The following PRELID2 variants were observed in gnomAD, a reference collection of about 807,000 sequenced individuals.
PRELID2 encodes PRELI domain-containing protein 2.
A neutral mutation model predicts 28.4 loss-of-function variants in PRELID2; 25 were observed. The observed-to-expected ratio is 0.88, with a 90% CI of 0.64 to 1.23. PRELID2 has a LOEUF of 1.23. PRELID2 is among the 50% of genes most tolerant of loss of function. The pLI is 0.00. For synonymous variants in PRELID2, 76 were observed against 71.6 expected, an observed-to-expected ratio of 1.06 and a Z score of -0.31; for missense variants, 201 against 214.4, an observed-to-expected ratio of 0.94 and a Z score of 0.39.
intron 6 of PRELID2, among the ~76,000 whole-genome samples, chr5:145,763,348 C>T (rs1396635165): frequency 6.6e-6 from 1 of 152,132 alleles, no homozygotes; most frequent in Admixed American, 6.5e-5. Flanking sequence ...TAGGAGTAAA[C>T]CATATTTAGA....
At chr5:145,370,499 G>A in the PRELID2 span, among the ~76,000 whole-genome samples, 3 of 152,090 alleles carry the variant, frequency 2.0e-5, no homozygotes, top group Non-Finnish European at 4.4e-5. Flanking sequence ...TTTGGTACCA[G>A]TACCATGCCG....
intron 1 of PRELID2, among the ~76,000 whole-genome samples, chr5:145,673,827 G>T (rs1754759947): frequency 6.6e-6 from 1 of 152,082 alleles, no homozygotes; most frequent in Non-Finnish European, 1.5e-5. Context: ...TATTATTACA[G>T]TAATAATAAC....
the PRELID2 span, among the ~76,000 whole-genome samples, chr5:145,320,735 C>T: frequency 6.6e-6 from 1 of 151,998 alleles, no homozygotes; most frequent in African/African-American, 2.4e-5. Flanking sequence ...ATATTTGTAC[C>T]ATAAGCAGAA....
At chr5:145,422,735 A>C in the PRELID2 span, among the ~76,000 whole-genome samples, 3 of 151,576 alleles carry the variant, frequency 2.0e-5, no homozygotes, top group South Asian at 2.1e-4. Flanking sequence ...GTCCATTTAC[A>C]TTTAAAGTTA....
the PRELID2 span, among the ~76,000 whole-genome samples, chr5:145,340,273 A>C: frequency 6.6e-6 from 1 of 152,184 alleles, no homozygotes; most frequent in African/African-American, 2.4e-5. Flanking sequence ...CACAGCTGAA[A>C]CCCATAAGCA....
chr5:145,587,715 G>A (rs751288284), intron 1 of PRELID2, among the ~76,000 whole-genome samples: 4 of 152,096 alleles, frequency 2.6e-5, no homozygotes, highest in Admixed American at 6.6e-5. Context: ...TTTACAAACA[G>A]CCCAATCATG....
At chr5:145,583,515 A>G (rs1291020555) in intron 1 of PRELID2, among the ~76,000 whole-genome samples, 1 of 152,178 alleles carries the variant, frequency 6.6e-6, no homozygotes, top group African/African-American at 2.4e-5. Context: ...TTGTTTGCAG[A>G]TGACATGATT....
rs555279767 is a variant in PRELID2 at position 145,640,248 on chromosome 5, A to G, written n.70+124683T>C. ...ACGCCTGTAATCCCAGCAATTTGGG[A>G]GGCCGAGGCGGGCGGATCACGAGGT... On this transcript the variant is annotated intron_variant and non_coding_transcript_variant, in intron 1 of 2. Coordinates refer to the PRELID2 transcript ENST00000510259. Among the ~76,000 whole-genome samples, 18 of 152,156 alleles carry G rather than the reference A, an allele frequency of 1.2e-4. 1 individual carries two copies. In the East Asian group the frequency reaches 3.5e-3, roughly 30 times the overall value.
At chr5:145,335,209 G>C in the PRELID2 span, among the ~76,000 whole-genome samples, 1 of 151,294 alleles carries the variant, frequency 6.6e-6, no homozygotes, top group African/African-American at 2.4e-5. Context: ...ACCTATTTTT[G>C]AGTTAACAGA....
In PRELID2 at chr5:145,741,147, A is replaced by C. The variant is rs867442021; in HGVS notation, n.70+23784T>G. Reference sequence around the variant, plus strand: ...TAATATATAAATATATAATGTATAAATATGTAAAATATATAAATATATATT... The same window carrying C: ...TAATATATAAATATATAATGTATAACTATGTAAAATATATAAATATATATT... On this transcript the variant is annotated intron_variant and non_coding_transcript_variant, in intron 1 of 2. Transcript: ENST00000510259. Among the ~76,000 whole-genome samples the C allele has an allele frequency of 2.4e-3, 275 of 116,858 alleles. 1 individual carries two copies. The highest frequency in any genetic ancestry group is 8.7e-3 in the African/African-American group (253 of 28,948). The allele number at this position is 116,858 out of a possible 152,430, so 76.7% of individuals were successfully genotyped here.
chr5:145,235,173 C>CAT, the PRELID2 span, among the ~76,000 whole-genome samples: 491 of 151,288 alleles, frequency 3.2e-3, no homozygotes, highest in African/African-American at 0.01. Context: ...TATATAAAAG[C>CAT]ATATATATAT....
chr5:145,297,744 T>A, the PRELID2 span, among the ~76,000 whole-genome samples: 1 of 152,092 alleles, frequency 6.6e-6, no homozygotes, highest in Non-Finnish European at 1.5e-5. Flanking sequence ...CAAAATCTCC[T>A]TAAGCTGATA....
At chr5:145,245,413 A>AAGAGAG in the PRELID2 span, among the ~76,000 whole-genome samples, 75 of 148,166 alleles carry the variant, frequency 5.1e-4, no homozygotes, top group South Asian at 0.014. Flanking sequence ...AAGAAAGAGA[A>AAGAGAG]AGAGAGAGAG....
At chr5:145,636,600 T>C (rs1754005874) in intron 1 of PRELID2, among the ~76,000 whole-genome samples, 1 of 152,206 alleles carries the variant, frequency 6.6e-6, no homozygotes, top group Non-Finnish European at 1.5e-5. Flanking sequence ...TTCCACTGTG[T>C]GAAACTGGCA....
intron 1 of PRELID2, among the ~76,000 whole-genome samples, chr5:145,694,994 T>C (rs1405572353): frequency 6.6e-6 from 1 of 152,144 alleles, no homozygotes; most frequent in Admixed American, 6.5e-5. Context: ...ATTGGACACT[T>C]AGAACATGTC....
the PRELID2 span, among the ~76,000 whole-genome samples, chr5:145,287,997 G>A: frequency 6.6e-6 from 1 of 152,154 alleles, no homozygotes; most frequent in Non-Finnish European, 1.5e-5. Context: ...TGGGGTCATA[G>A]GTTAGGAAGG....
chr5:145,401,718 A>G, the PRELID2 span, among the ~76,000 whole-genome samples: 2 of 152,176 alleles, frequency 1.3e-5, no homozygotes, highest in Non-Finnish European at 2.9e-5. Flanking sequence ...CTTGATGTGC[A>G]CATTTATCTA....
chr5:145,243,185 A>G, the PRELID2 span, among the ~76,000 whole-genome samples: 1 of 152,086 alleles, frequency 6.6e-6, no homozygotes, highest in Non-Finnish European at 1.5e-5. Context: ...TGTAATTTTT[A>G]TGCTCAATTG....
intron 1 of PRELID2, among the ~76,000 whole-genome samples, chr5:145,506,542 G>A (rs1393387580): frequency 5.9e-5 from 9 of 152,244 alleles, no homozygotes; most frequent in South Asian, 4.1e-4. Flanking sequence ...TTCATTGTGC[G>A]TAATAGGAGT....
Sources: gnomAD v4.1 joint callset for allele counts (sites outside exome capture counted in the v4.1 genomes callset) on GRCh38, gnomAD v4.1.1 for gene constraint, MANE v1.5 for transcripts, NCBI Gene and HGNC (gene_info 2026-07-23, HGNC 2026-07-21) for gene names.